Variants in CES5A observed in about 807,000 individuals in gnomAD.
The protein encoded by CES5A is carboxylesterase 5A, also known as carboxylesterase 5.
CES5A carries 67 observed loss-of-function variants against 62.9 expected under a neutral mutation model. That is an observed-to-expected ratio of 1.07 (90% CI 0.88 to 1.31). CES5A has a LOEUF of 1.31. CES5A is among the 50% of genes most tolerant of loss of function. The pLI is 0.00. For missense variants in CES5A, 748 were observed against 708.5 expected, an observed-to-expected ratio of 1.06 and a Z score of -0.63; for synonymous variants, 296 against 280.8, an observed-to-expected ratio of 1.05 and a Z score of -0.54.
chr16:55,902,745 T>C lies in CES5A; in HGVS notation c.-256+22578A>G, dbSNP rs184755114. On this transcript the variant is annotated intron_variant, in intron 1 of 12. Transcript: ENST00000518005. ...AATCTTATGCCTCTTGATTTATATA[T>C]AGGAAGACATGGGGGGCATCATCCG... Among the ~76,000 whole-genome samples, 6 of 152,302 alleles carry C rather than the reference T, an allele frequency of 3.9e-5. No homozygotes were observed. In the East Asian group the frequency reaches 9.6e-4, roughly 24 times the overall value.
At chr16:55,883,142 G>A (rs553679865) in intron 1 of CES5A, among the ~76,000 whole-genome samples, 6 of 152,324 alleles carry the variant, frequency 3.9e-5, no homozygotes, top group South Asian at 2.1e-4. Context: ...CAGAGTTACC[G>A]CTTGGTTGAG....
intron 1 of CES5A, chr16:55,955,767 A>G (rs190545105): frequency 6.7e-7 from 1 of 1,484,292 alleles, no homozygotes; most frequent in East Asian, 2.5e-5. Context: ...TTTGCATCTA[A>G]TCTAAGGCTC....
At chr16:55,894,185 G>A (rs1254524233) in intron 1 of CES5A, among the ~76,000 whole-genome samples, 1 of 152,020 alleles carries the variant, frequency 6.6e-6, no homozygotes, top group Non-Finnish European at 1.5e-5. Flanking sequence ...AAGAAAGCTG[G>A]GAGAATGTTT....
chr16:55,871,530 G>C, intron 3 of CES5A, 95 bp downstream of exon 3: 1 of 1,393,072 alleles, frequency 7.2e-7, no homozygotes, highest in South Asian at 1.3e-5. Flanking sequence ...ACCCAACAGG[G>C]GGTAGTTCCA....
In CES5A at chr16:55,848,280, GTTA is replaced by G. The variant is rs1276220032; in HGVS notation, c.1423+1341_1423+1343del. Among the ~76,000 whole-genome samples, 7 of 151,302 alleles carry G rather than the reference GTTA, an allele frequency of 4.6e-5. No homozygotes were observed. In the East Asian group the frequency reaches 1.2e-3, roughly 25 times the overall value. On this transcript the variant is annotated intron_variant, in intron 11 of 12. Transcript: ENST00000290567. Reference sequence around the variant, plus strand: ...CCACCATGCTTGGCTAATTTTGTTTGTTATTATTATTATTATTTTGTAGAGAGG... The same window carrying G: ...CCACCATGCTTGGCTAATTTTGTTTGTTATTATTATTATTTTGTAGAGAGG...
intron 4 of CES5A, 148 bp downstream of exon 4, chr16:55,869,463 C>T (rs1357421614): frequency 9.7e-6 from 13 of 1,343,104 alleles, no homozygotes; most frequent in Non-Finnish European, 1.3e-5. Flanking sequence ...TTATCTGCTA[C>T]AGCTGCAAAA....
At chr16:55,888,591 CTAAA>C (rs1199554421) in intron 1 of CES5A, among the ~76,000 whole-genome samples, 1 of 152,184 alleles carries the variant, frequency 6.6e-6, no homozygotes, top group African/African-American at 2.4e-5. Context: ...GGATTGTCTG[CTAAA>C]TAAACTACCT....
intron 6 of CES5A, 79 bp from the exon 7 acceptor site, chr16:55,861,595 A>G (rs1444159876): frequency 4.0e-6 from 4 of 1,000,812 alleles, no homozygotes; most frequent in Non-Finnish European, 6.3e-6. Context: ...ATGCCCTCCA[A>G]TCAGCCACAG....
intron 1 of CES5A, among the ~76,000 whole-genome samples, chr16:55,909,512 G>A (rs2034070764): frequency 6.6e-6 from 1 of 152,044 alleles, no homozygotes; most frequent in Non-Finnish European, 1.5e-5. Flanking sequence ...ATAGATATTT[G>A]AAGGAAAGGG....
intron 1 of CES5A, among the ~76,000 whole-genome samples, chr16:55,918,506 C>G (rs2034169940): frequency 6.6e-6 from 1 of 152,188 alleles, no homozygotes; most frequent in African/African-American, 2.4e-5. Flanking sequence ...AAATAATCAT[C>G]ACTAATCCTT....
chr16:55,875,059 G>A (rs75723774), intron 1 of CES5A, 90 bp downstream of exon 1: 15,312 of 1,299,826 alleles, frequency 0.012, 611 homozygotes, highest in East Asian at 0.095. Flanking sequence ...GGCCCTCAGA[G>A]ACCTCTGAAG....
At chr16:55,914,142 C>T (rs1247445371) in intron 1 of CES5A, among the ~76,000 whole-genome samples, 2 of 152,132 alleles carry the variant, frequency 1.3e-5, no homozygotes, top group African/African-American at 4.8e-5. Flanking sequence ...ACCTAAAGTT[C>T]AACTTTTACA....
At chr16:55,871,469 T>C (rs2033583308) in intron 3 of CES5A, among the ~76,000 whole-genome samples, 156 bp downstream of exon 3, 1 of 152,246 alleles carries the variant, frequency 6.6e-6, no homozygotes, top group Admixed American at 6.5e-5. Flanking sequence ...CATGTGAATC[T>C]ATCATTCAAA....
rs1403873280 is a variant in CES5A at position 55,949,710 on chromosome 16, A to G, written c.160+75T>C. Reference sequence around the variant, plus strand: ...GTGGAAGTATGCCACCAATGGAACCATGGACTGTGAGTCAGCTGTTGGCCA... The same window carrying G: ...GTGGAAGTATGCCACCAATGGAACCGTGGACTGTGAGTCAGCTGTTGGCCA... On this transcript the variant is annotated intron_variant, in intron 2 of 13. Coordinates refer to the CES5A transcript ENST00000521992. 3 of 518,976 alleles carry G rather than the reference A, an allele frequency of 5.8e-6. No individual in the cohort carries two copies. The African/African-American group carries it at 5.8e-5, about 10-fold the overall frequency. 32.1% of individuals were successfully genotyped at this position (518,976 alleles called of 1,614,324 possible).
chr16:55,948,356 C>G (rs1164717778), intron 2 of CES5A, among the ~76,000 whole-genome samples: 3 of 152,158 alleles, frequency 2.0e-5, no homozygotes, highest in African/African-American at 7.2e-5. Flanking sequence ...GGCAGAGGAA[C>G]AGTCAATTAT....
intron 1 of CES5A, among the ~76,000 whole-genome samples, chr16:55,951,790 T>C (rs2034560538): frequency 6.6e-6 from 1 of 152,140 alleles, no homozygotes; most frequent in Non-Finnish European, 1.5e-5. Context: ...TTAGCTTCAA[T>C]ACAGAAAGCA....
At chr16:55,906,649 C>T (rs554383420) in intron 1 of CES5A, among the ~76,000 whole-genome samples, 1 of 152,172 alleles carries the variant, frequency 6.6e-6, no homozygotes, top group South Asian at 2.1e-4. Context: ...GTGCTGGGTA[C>T]CAGAATTGGA....
At chr16:55,848,405 C>T (rs1567321320) in intron 11 of CES5A, among the ~76,000 whole-genome samples, 1 of 152,198 alleles carries the variant, frequency 6.6e-6, no homozygotes, top group African/African-American at 2.4e-5. Flanking sequence ...AGGTGTGAGC[C>T]ACCATGCCCG....
chr16:55,873,701 C>T (rs1273549691), intron 2 of CES5A, 132 bp downstream of exon 2: 4 of 816,314 alleles, frequency 4.9e-6, no homozygotes, highest in East Asian at 2.7e-5. Flanking sequence ...ACCACTCGCC[C>T]GAGTCTCAAG....
Sources: gnomAD v4.1 joint callset for allele counts (sites outside exome capture counted in the v4.1 genomes callset) on GRCh38, gnomAD v4.1.1 for gene constraint, MANE v1.5 for transcripts, NCBI Gene and HGNC (gene_info 2026-07-23, HGNC 2026-07-21) for gene names.